The following SESN1 variants were observed in gnomAD, a reference collection of about 807,000 sequenced individuals.
SESN1 encodes the protein sestrin-1.
Under a neutral mutation model 59.3 loss-of-function variants are expected in SESN1, and 30 were observed. The ratio of observed to expected loss-of-function variants is 0.51; its 90% confidence interval spans 0.38 to 0.69. The LOEUF (loss-of-function observed/expected upper bound fraction) is 0.69. Among genes scored for constraint, SESN1 ranks in the 30% least tolerant of loss-of-function variants. The pLI is 0.00. For missense variants in SESN1, 566 were observed against 673.0 expected, an observed-to-expected ratio of 0.84 and a Z score of 1.76; for synonymous variants, 197 against 219.9, an observed-to-expected ratio of 0.90 and a Z score of 0.92.
chr6:109,024,613 A>G (rs548691601), intron 1 of SESN1, among the ~76,000 whole-genome samples: 5 of 152,344 alleles, frequency 3.3e-5, no homozygotes, highest in Middle Eastern at 3.4e-3. Flanking sequence ...TCATAAGTAA[A>G]AAATGCATTT....
In SESN1 at chr6:108,997,741, T is replaced by C. The variant is rs115957711; in HGVS notation, c.972+772A>G. Among the ~76,000 whole-genome samples the C allele has an allele frequency of 7.7e-3, 1,171 of 152,234 alleles. 21 individuals are homozygous for C. Among genetic ancestry groups the C allele is most frequent in the African/African-American group, 0.027 (1,116 of 41,550 alleles). ...CAAAGGGATAATATAACTCAGAAAA[T>C]GCATGTAAAGCATTCAGATGGCTGT... is the stretch of plus-strand genomic sequence containing the variant. On this transcript the variant is annotated intron_variant, in intron 5 of 9. Transcript: ENST00000436639.
At chr6:109,078,711 C>A (rs181375616) in intron 1 of SESN1, among the ~76,000 whole-genome samples, 23 of 152,142 alleles carry the variant, frequency 1.5e-4, no homozygotes, top group Non-Finnish European at 2.6e-4. Flanking sequence ...GTTTTTACAT[C>A]CCCCACAATG....
At chr6:109,029,025 T>C (rs888780928) in intron 1 of SESN1, among the ~76,000 whole-genome samples, 4 of 152,202 alleles carry the variant, frequency 2.6e-5, no homozygotes, top group African/African-American at 9.7e-5. Context: ...AAAATTCTTA[T>C]AGCTTCATGC....
chr6:109,044,753 G>A (rs895844766), intron 1 of SESN1, among the ~76,000 whole-genome samples: 1 of 152,066 alleles, frequency 6.6e-6, no homozygotes, highest in Admixed American at 6.5e-5. Context: ...GCCGGGCGCA[G>A]TGGCTCACGC....
chr6:108,988,908 C>T (rs762328470), intron 8 of SESN1, among the ~76,000 whole-genome samples: 9 of 152,016 alleles, frequency 5.9e-5, no homozygotes, highest in Non-Finnish European at 1.2e-4. Context: ...TTTTCTACTA[C>T]CCAAGTAAAT....
intron 1 of SESN1, among the ~76,000 whole-genome samples, chr6:109,044,703 C>T (rs941245883): frequency 9.2e-5 from 14 of 152,078 alleles, no homozygotes; most frequent in African/African-American, 2.9e-4. Context: ...GTCACACAGA[C>T]ATCTCGAATC....
intron 1 of SESN1, among the ~76,000 whole-genome samples, chr6:109,047,911 GTCA>G (rs1306571192): frequency 6.9e-6 from 1 of 145,680 alleles, no homozygotes; most frequent in African/African-American, 2.5e-5. Context: ...CTGGTTAAGA[GTCA>G]TCACCACTCC....
chr6:109,035,548 G>GAA (rs555690232), intron 1 of SESN1, among the ~76,000 whole-genome samples: 24 of 144,436 alleles, frequency 1.7e-4, no homozygotes, highest in South Asian at 4.4e-4. Flanking sequence ...CCGGCAGAGG[G>GAA]AAAAAAAAAA....
At position 109,044,461 on chromosome 6, in the gene SESN1, T is replaced by C. The variant is rs77212907; in HGVS notation, c.280-42118A>G. ...GAAAAGAAAGAAAACAAAATGATTC[T>C]AGACATAAACCTCATACCCTTAACA... is the stretch of plus-strand genomic sequence containing the variant. On this transcript the variant is annotated intron_variant, in intron 1 of 9. Transcript: ENST00000436639. Among the ~76,000 whole-genome samples the C allele has an allele frequency of 5.7e-3, 860 of 151,584 alleles. 8 individuals are homozygous for C. The highest frequency in any genetic ancestry group is 0.02 in the African/African-American group (816 of 41,344).
intron 1 of SESN1, among the ~76,000 whole-genome samples, chr6:109,057,020 C>T (rs1489461509): frequency 2.0e-5 from 3 of 152,190 alleles, no homozygotes; most frequent in Non-Finnish European, 4.4e-5. Flanking sequence ...ATGCCTTGAA[C>T]CCTGTAGAGA....
intron 1 of SESN1, among the ~76,000 whole-genome samples, chr6:109,021,688 C>T (rs1051699379): frequency 7.2e-5 from 11 of 151,998 alleles, no homozygotes; most frequent in Non-Finnish European, 1.5e-4. Context: ...GTGATCCGCC[C>T]GCCTTGGCCT....
intron 5 of SESN1, 166 bp downstream of exon 5, chr6:108,998,347 A>C (rs1226532577): frequency 2.9e-6 from 2 of 679,322 alleles, no homozygotes; most frequent in Non-Finnish European, 4.9e-6. Flanking sequence ...ACTAGTGATG[A>C]GCATGTGAGG....
chr6:109,071,150 A>T (rs761546807), intron 1 of SESN1, among the ~76,000 whole-genome samples: 4 of 152,162 alleles, frequency 2.6e-5, no homozygotes, highest in Non-Finnish European at 5.9e-5. Context: ...ATTGGTCTAG[A>T]GGGTCCAGCA....
chr6:109,043,970 CAGAAT>C (rs1780380990), intron 1 of SESN1, among the ~76,000 whole-genome samples: 5 of 151,958 alleles, frequency 3.3e-5, no homozygotes, highest in Admixed American at 2.6e-4. Flanking sequence ...ATCAATGGAA[CAGAAT>C]AGAGAGCCCA....
intron 1 of SESN1, among the ~76,000 whole-genome samples, chr6:109,012,815 G>A (rs930906689): frequency 4.6e-5 from 7 of 151,954 alleles, no homozygotes; most frequent in African/African-American, 1.4e-4. Context: ...AAGGAGTTTA[G>A]GTAAAAGATA....
At chr6:109,024,617 T>G (rs1274611401) in intron 1 of SESN1, among the ~76,000 whole-genome samples, 1 of 152,148 alleles carries the variant, frequency 6.6e-6, no homozygotes, top group Admixed American at 6.5e-5. Context: ...AAGTAAAAAA[T>G]GCATTTAATA....
At position 109,030,659 on chromosome 6, in the gene SESN1, G is replaced by A. The variant is rs568652379; in HGVS notation, c.280-28316C>T. On this transcript the variant is annotated intron_variant, in intron 1 of 9. Coordinates refer to ENST00000436639, the MANE Select transcript of SESN1 (RefSeq NM_014454.3). ...TGGAATCTTCAAGATTCTAAGGTCT[G>A]GAAAGGAACCATAAAAATCTCACAT... Among the ~76,000 whole-genome samples, 8 of 152,262 alleles carry A rather than the reference G, an allele frequency of 5.3e-5. No homozygotes were observed. In the East Asian group the frequency reaches 1.5e-3, roughly 29 times the overall value.
At chr6:109,017,317 ACT>A (rs892363310) in intron 1 of SESN1, among the ~76,000 whole-genome samples, 2 of 152,012 alleles carry the variant, frequency 1.3e-5, no homozygotes, top group African/African-American at 4.8e-5. Flanking sequence ...ACAGAGTCTC[ACT>A]CTGTCGCCCA....
chr6:109,058,075 TATTAATTA>T (rs559411525), intron 1 of SESN1, among the ~76,000 whole-genome samples: 1 of 152,052 alleles, frequency 6.6e-6, no homozygotes, highest in African/African-American at 2.4e-5. Flanking sequence ...TGTTTAGATA[TATTAATTA>T]ATTAATTAAT....
Sources: gnomAD v4.1 joint callset for allele counts (sites outside exome capture counted in the v4.1 genomes callset) on GRCh38, gnomAD v4.1.1 for gene constraint, MANE v1.5 for transcripts, NCBI Gene and HGNC (gene_info 2026-07-23, HGNC 2026-07-21) for gene names.